The following CTNNA3 variants were observed in gnomAD, a reference collection of about 807,000 sequenced individuals.
CTNNA3 encodes the protein catenin alpha-3.
CTNNA3 carries 76 observed loss-of-function variants against 95.7 expected under a neutral mutation model. The ratio of observed to expected loss-of-function variants is 0.79; its 90% confidence interval spans 0.66 to 0.96. The LOEUF (loss-of-function observed/expected upper bound fraction) is 0.96. Ranked by LOEUF, CTNNA3 falls within the 40% of genes least tolerant of loss-of-function variation. The pLI is 0.00. For missense variants in CTNNA3, 1,191 were observed against 1,089.8 expected, an observed-to-expected ratio of 1.09 and a Z score of -1.31; for synonymous variants, 431 against 374.4, an observed-to-expected ratio of 1.15 and a Z score of -1.74.
rs182400976 is a variant in CTNNA3, at chr10:65,960,637, G to C, written c.2400+5975C>G. Reference sequence around the variant, plus strand: ...TTTCATCTCTCAAATAGTGAACATAGTACCCAACAGGAATTTTTTCAGCTC... The same window carrying C: ...TTTCATCTCTCAAATAGTGAACATACTACCCAACAGGAATTTTTTCAGCTC... On this transcript the variant is annotated intron_variant, in intron 17 of 17. Transcript: ENST00000433211. Among the ~76,000 whole-genome samples the C allele has an allele frequency of 2.0e-5, 3 of 152,330 alleles. No homozygotes were observed. The East Asian group carries it at 5.8e-4, about 29-fold the overall frequency.
At chr10:67,032,003 T>C (rs1413179267) in intron 7 of CTNNA3, among the ~76,000 whole-genome samples, 1 of 152,210 alleles carries the variant, frequency 6.6e-6, no homozygotes, top group East Asian at 1.9e-4. Context: ...ACACGGTGTA[T>C]ATAAAATGGT....
At chr10:66,926,733 CTTGT>C (rs1847097414) in intron 7 of CTNNA3, 2 of 1,065,834 alleles carry the variant, frequency 1.9e-6, no homozygotes, top group East Asian at 2.5e-5. Flanking sequence ...GGCATGTTTC[CTTGT>C]TTAACTATTT....
chr10:67,698,249 A>G (rs199909305), upstream of CTNNA3, among the ~76,000 whole-genome samples: 24 of 151,560 alleles, frequency 1.6e-4, no homozygotes, highest in African/African-American at 5.8e-4. Flanking sequence ...GGAAAAAAAA[A>G]AGAGAGAAAA....
chr10:66,533,898 C>T (rs1175568954), intron 10 of CTNNA3, among the ~76,000 whole-genome samples: 1 of 152,036 alleles, frequency 6.6e-6, no homozygotes. Flanking sequence ...TAGCAAGACC[C>T]CATCCTTACA....
At chr10:66,144,617 A>T (rs2083786702) in intron 13 of CTNNA3, among the ~76,000 whole-genome samples, 1 of 151,964 alleles carries the variant, frequency 6.6e-6, no homozygotes, top group Non-Finnish European at 1.5e-5. Context: ...CCTCCTGAGT[A>T]GCTGAGATTA....
chr10:66,072,509 A>G (rs1038526561), intron 14 of CTNNA3, among the ~76,000 whole-genome samples: 1 of 151,988 alleles, frequency 6.6e-6, no homozygotes, highest in Non-Finnish European at 1.5e-5. Context: ...CAGTGGCATG[A>G]TCTCAGCTCA....
At chr10:66,720,266 A>G (rs906780314) in intron 9 of CTNNA3, among the ~76,000 whole-genome samples, 5 of 146,408 alleles carry the variant, frequency 3.4e-5, no homozygotes, top group African/African-American at 1.2e-4. Context: ...GAAGGCAGTC[A>G]CCTTTTATGC....
intron 7 of CTNNA3, among the ~76,000 whole-genome samples, chr10:66,930,702 A>C (rs1281186551): frequency 6.6e-6 from 1 of 152,168 alleles, no homozygotes; most frequent in African/African-American, 2.4e-5. Context: ...CATTCCTAAA[A>C]TTCAAAGCTA....
intron 5 of CTNNA3, among the ~76,000 whole-genome samples, chr10:67,387,316 G>A (rs1342474371): frequency 2.0e-5 from 3 of 152,092 alleles, no homozygotes; most frequent in East Asian, 1.9e-4. Context: ...CTGAAAAATC[G>A]GGTCACTCCC....
At chr10:67,153,400 G>A (rs1045782242) in intron 7 of CTNNA3, among the ~76,000 whole-genome samples, 1 of 152,202 alleles carries the variant, frequency 6.6e-6, no homozygotes, top group African/African-American at 2.4e-5. Flanking sequence ...ATAATGTGCA[G>A]CCAGGATTGA....
intron 7 of CTNNA3, among the ~76,000 whole-genome samples, chr10:66,833,051 T>C (rs931193756): frequency 6.6e-6 from 1 of 152,000 alleles, no homozygotes; most frequent in African/African-American, 2.4e-5. Context: ...AAAGAAGAAT[T>C]TTATTTATAT....
chr10:67,356,559 T>C (rs1344399495), intron 5 of CTNNA3, among the ~76,000 whole-genome samples: 1 of 152,114 alleles, frequency 6.6e-6, no homozygotes, highest in East Asian at 1.9e-4. Context: ...AGCCATTTCA[T>C]GGTGATCTGG....
rs1848031634 is a variant in CTNNA3, at chr10:67,476,784, T to A, written c.579+45058A>T. ...GCCCTATGTACTCCATACCCCTGCA[T>A]ATCTCCAGGCATTCAAAGCACTTGC... On this transcript the variant is annotated intron_variant, in intron 5 of 17. Transcript: ENST00000433211. Among the ~76,000 whole-genome samples the A allele has an allele frequency of 2.0e-5, 3 of 150,706 alleles. No individual in the cohort carries two copies. In the South Asian group the frequency reaches 6.3e-4, roughly 32 times the overall value.
chr10:66,617,315 G>C lies in CTNNA3; in HGVS notation c.1374+4377C>G, dbSNP rs554650453. On this transcript the variant is annotated intron_variant, in intron 10 of 17. Coordinates refer to ENST00000433211, the MANE Select transcript of CTNNA3 (RefSeq NM_013266.4). ...GAGTCCTCATAAAGTGAACATAAAA[G>C]AAGTTGTCCAAACTGAATCCAGCAG... 2.6e-4 allele frequency among the ~76,000 whole-genome samples: 40 copies of C among 151,912 alleles called. 1 individual carries two copies. Among genetic ancestry groups the C allele is most frequent in the Middle Eastern group, 3.4e-3 (1 of 294 alleles).
chr10:66,666,527 T>A (rs537687743), intron 9 of CTNNA3, among the ~76,000 whole-genome samples: 2 of 152,290 alleles, frequency 1.3e-5, no homozygotes, highest in South Asian at 2.1e-4. Flanking sequence ...AACATAGGTA[T>A]AATAAGGACA....
At chr10:66,986,016 A>G (rs1343681264) in intron 7 of CTNNA3, among the ~76,000 whole-genome samples, 1 of 152,026 alleles carries the variant, frequency 6.6e-6, no homozygotes, top group East Asian at 1.9e-4. Context: ...GTGAGCCACC[A>G]TGCCTGGCCT....
intron 14 of CTNNA3, among the ~76,000 whole-genome samples, chr10:66,075,371 T>G (rs987468326): frequency 6.6e-6 from 1 of 151,766 alleles, no homozygotes; most frequent in Non-Finnish European, 1.5e-5. Context: ...ATACAGCAAT[T>G]AACAATCCTA....
At chr10:66,005,708 C>T (rs952395996) in intron 15 of CTNNA3, among the ~76,000 whole-genome samples, 6 of 151,896 alleles carry the variant, frequency 4.0e-5, no homozygotes, top group Admixed American at 2.0e-4. Context: ...AAGGCTCTGG[C>T]GTGGGGCAAA....
At chr10:67,133,622 A>C (rs1422777925) in intron 7 of CTNNA3, among the ~76,000 whole-genome samples, 2 of 151,904 alleles carry the variant, frequency 1.3e-5, no homozygotes, top group Admixed American at 1.3e-4. Flanking sequence ...AGGGAAAAAA[A>C]TGAAAGAATC....
Sources: gnomAD v4.1 joint callset for allele counts (sites outside exome capture counted in the v4.1 genomes callset) on GRCh38, gnomAD v4.1.1 for gene constraint, MANE v1.5 for transcripts, NCBI Gene and HGNC (gene_info 2026-07-23, HGNC 2026-07-21) for gene names.